Variants in SLC1A4 observed in about 807,000 individuals in gnomAD.
The protein encoded by SLC1A4 is neutral amino acid transporter A.
A neutral mutation model predicts 37.7 loss-of-function variants in SLC1A4; 19 were observed. The ratio of observed to expected loss-of-function variants is 0.50; its 90% CI spans 0.35 to 0.74. The LOEUF (loss-of-function observed/expected upper bound fraction) is 0.74, where lower values mean the gene tolerates loss of function less well. Ranked by LOEUF, SLC1A4 falls within the 30% of genes least tolerant of loss-of-function variation. The pLI is 0.01. For synonymous variants in SLC1A4, 299 were observed against 309.8 expected, an observed-to-expected ratio of 0.97 and a Z score of 0.37; for missense variants, 570 against 712.9, an observed-to-expected ratio of 0.80 and a Z score of 2.28.
At chr2:65,008,445 T>C (rs932079813) in intron 3 of SLC1A4, among the ~76,000 whole-genome samples, 6 of 152,118 alleles carry the variant, frequency 3.9e-5, no homozygotes, top group Non-Finnish European at 7.4e-5. Flanking sequence ...TGAGACCGGT[T>C]TGGGCAATTT....
rs763947992 is a variant in SLC1A4 at position 64,989,880 on chromosome 2, C to T, written c.237C>T (p.Gly79=). The T allele has an allele frequency of 1.3e-6, 2 of 1,545,448 alleles. No homozygotes were observed. Among genetic ancestry groups the T allele is most frequent in the South Asian group, 1.2e-5 (1 of 84,450 alleles). The part of the protein sequence containing the change: ...RTQVTYLAFP[G]EMLLRMLRMI... ...AGGTCACCTACCTGGCCTTCCCCGG[C>T]GAGATGCTGCTCCGCATGCTGCGCA... Residue 79 remains glycine (G), a synonymous_variant, in exon 1 of 8, where the codon GGC becomes GGT. Coordinates refer to ENST00000234256, the MANE Select transcript of SLC1A4 (RefSeq NM_003038.5).
intron 3 of SLC1A4, among the ~76,000 whole-genome samples, chr2:65,009,796 T>C (rs906631913): frequency 6.6e-6 from 1 of 152,212 alleles, no homozygotes; most frequent in Non-Finnish European, 1.5e-5. Flanking sequence ...GGAAAGAGTA[T>C]CCTGAAAAAG....
rs201175768 is a variant in SLC1A4, at chr2:64,989,708, C to T, written c.65C>T (p.Pro22Leu). The T allele has an allele frequency of 8.6e-4, 1,304 of 1,517,486 alleles. 2 individuals are homozygous for T. In the Middle Eastern group the frequency reaches 9.0e-3, roughly 10 times the overall value. 94.0% of individuals were successfully genotyped at this position (1,517,486 alleles called of 1,614,324 possible). The change falls in exon 1 of 8, where the codon CCC becomes CTC. Residue 22 changes from proline (P) to leucine (L), a missense_variant. Pro to Leu is a moderately conservative substitution (Grantham distance 98, BLOSUM62 -3). Transcript: ENST00000234256. The part of the protein sequence containing the change: ...DSAQAGPAAG[P>L]GAPGTAAGRA... ...GCTCAGGCGGGGCCTGCGGCCGGGC[C>T]CGGAGCTCCGGGGACCGCGGCGGGA... is the stretch of plus-strand genomic sequence containing the variant.
chr2:65,009,314 G>C (rs995623776), intron 3 of SLC1A4, among the ~76,000 whole-genome samples: 4 of 151,794 alleles, frequency 2.6e-5, no homozygotes, highest in African/African-American at 9.7e-5. Context: ...TGGAGGTTGT[G>C]GTGAGCTGAG....
intron 1 of SLC1A4, among the ~76,000 whole-genome samples, chr2:64,998,598 T>C (rs1558515813): frequency 6.6e-6 from 1 of 152,114 alleles, no homozygotes. Flanking sequence ...GCAGACTAGA[T>C]ATTGTAGACA....
intron 3 of SLC1A4, among the ~76,000 whole-genome samples, chr2:65,009,162 C>T (rs958127786): frequency 6.6e-6 from 1 of 152,130 alleles, no homozygotes; most frequent in Admixed American, 6.5e-5. Flanking sequence ...GAGTTCCAGA[C>T]CAGCCTGACC....
intron 1 of SLC1A4, among the ~76,000 whole-genome samples, chr2:64,999,056 T>C (rs985011317): frequency 6.6e-6 from 1 of 152,132 alleles, no homozygotes; most frequent in African/African-American, 2.4e-5. Context: ...GGAAATGAAA[T>C]GCCAAAGGTA....
In SLC1A4 at chr2:65,022,785, AGC is replaced by A. The variant is rs1339408799; in HGVS notation, c.*1640_*1641del. ...TGATTTTGCTGTGACTCCCAGACCC[AGC>A]CACTGTTTCTGCCACCCTGTAACAG... is the stretch of plus-strand genomic sequence containing the variant. On this transcript the variant is annotated 3_prime_UTR_variant, in exon 8 of 8. Coordinates refer to ENST00000234256, the MANE Select transcript of SLC1A4 (RefSeq NM_003038.5). 2 of 152,328 alleles carry A rather than the reference AGC, an allele frequency of 1.3e-5. No homozygotes were observed. The highest frequency in any genetic ancestry group is 3.9e-4 in the East Asian group (2 of 5,182). 9.4% of individuals were successfully genotyped at this position (152,328 alleles called of 1,614,324 possible). A position where few individuals can be genotyped will look rare whatever the true frequency, so the allele number is the denominator to read the frequency against.
chr2:65,005,356 C>T (rs1440746549), intron 3 of SLC1A4, among the ~76,000 whole-genome samples: 1 of 152,178 alleles, frequency 6.6e-6, no homozygotes, highest in Non-Finnish European at 1.5e-5. Flanking sequence ...AATGATATCC[C>T]CCTGTTCATA....
At chr2:65,019,690 C>T (rs1202462700) in intron 7 of SLC1A4, among the ~76,000 whole-genome samples, 5 of 152,296 alleles carry the variant, frequency 3.3e-5, no homozygotes, top group South Asian at 2.1e-4. Flanking sequence ...ACCTGCATTG[C>T]GCAGACACCT....
intron 4 of SLC1A4, among the ~76,000 whole-genome samples, chr2:65,011,150 A>C (rs1448252342): frequency 1.3e-5 from 2 of 152,244 alleles, no homozygotes; most frequent in African/African-American, 4.8e-5. Context: ...CATTTATCTG[A>C]AAATGATAGA....
In SLC1A4 at chr2:65,022,970, C is replaced by T. The variant is rs1339609078; in HGVS notation, c.*1824C>T. On this transcript the variant is annotated 3_prime_UTR_variant, in exon 8 of 8. Coordinates refer to ENST00000234256, the MANE Select transcript of SLC1A4 (RefSeq NM_003038.5). ...GAACGGAGACCATCAAGCCACACCC[C>T]CTTCTTAAAACTGGGGACATGAGCC... 2 of 152,216 alleles carry T rather than the reference C, an allele frequency of 1.3e-5. No individual in the cohort carries two copies. The highest frequency in any genetic ancestry group is 6.5e-5 in the Admixed American group (1 of 15,282). 9.4% of individuals were successfully genotyped at this position (152,216 alleles called of 1,614,324 possible).
rs143501380 is a variant in SLC1A4, at chr2:64,994,210, G to C, written c.527+4040G>C. 1.5e-3 allele frequency among the ~76,000 whole-genome samples: 227 copies of C among 152,348 alleles called. 2 individuals carry two copies. Among genetic ancestry groups the C allele is most frequent in the African/African-American group, 5.3e-3 (220 of 41,584 alleles). Reference sequence around the variant, plus strand: ...CCTTCCATTCTGAAATGGGACAGAAGTCCCCACAGATTCTCACTGACATTC... The same window carrying C: ...CCTTCCATTCTGAAATGGGACAGAACTCCCCACAGATTCTCACTGACATTC... On this transcript the variant is annotated intron_variant, in intron 1 of 7. Coordinates refer to ENST00000234256, the MANE Select transcript of SLC1A4 (RefSeq NM_003038.5).
intron 1 of SLC1A4, among the ~76,000 whole-genome samples, chr2:64,998,697 G>C (rs952272734): frequency 1.3e-5 from 2 of 152,144 alleles, no homozygotes; most frequent in African/African-American, 4.8e-5. Context: ...ATGTTACTGG[G>C]TTATTGCTTG....
At chr2:64,988,864 G>A (rs1281663901), upstream of SLC1A4, among the ~76,000 whole-genome samples, 1 of 106,266 alleles carries the variant, frequency 9.4e-6, no homozygotes, top group Non-Finnish European at 1.9e-5. Context: ...GCTCTGGAGA[G>A]GAGCGCGGGC....
Position 65,018,397 on chromosome 2 carries a change from C to G in SLC1A4, c.1229+132C>G. ...CAGTGGGGATTCATTACTTGAAGAG[C>G]GTGTGTTGACTCTCAAGGGCGTAGC... On this transcript the variant is annotated intron_variant, in intron 6 of 7. Transcript: ENST00000234256. This position sits in a 1 kb window ranked among gnomAD's most constrained non-coding sequence, Gnocchi z 4.3. 7.3e-7 allele frequency: 1 copy of G among 1,363,966 alleles called. No individual in the cohort carries two copies. The allele number at this position is 1,363,966 out of a possible 1,614,324, so 84.5% of individuals were successfully genotyped here.
At chr2:65,009,803 A>G (rs182869059) in intron 3 of SLC1A4, among the ~76,000 whole-genome samples, 48 of 152,350 alleles carry the variant, frequency 3.2e-4, no homozygotes, top group African/African-American at 1.1e-3. Context: ...GTATCCTGAA[A>G]AAGTCCATGT....
At chr2:65,007,719 G>A (rs181738894) in intron 3 of SLC1A4, among the ~76,000 whole-genome samples, 40 of 152,278 alleles carry the variant, frequency 2.6e-4, no homozygotes, top group Non-Finnish European at 4.7e-4. Context: ...AATAATAAAT[G>A]TGCATAGTTT....
intron 3 of SLC1A4, among the ~76,000 whole-genome samples, chr2:65,004,284 G>A (rs755343636): frequency 1.3e-5 from 2 of 152,002 alleles, no homozygotes; most frequent in Non-Finnish European, 1.5e-5. Flanking sequence ...ACAGGGTCTC[G>A]CTCTGTTGCC....
Sources: gnomAD v4.1 joint callset for allele counts (sites outside exome capture counted in the v4.1 genomes callset) on GRCh38, gnomAD v4.1.1 for gene constraint, Gnocchi (gnomAD v3.1) non-coding constraint, MANE v1.5 for transcripts, NCBI Gene and HGNC (gene_info 2026-07-23, HGNC 2026-07-21) for gene names.